TMEM245: variants seen among roughly 807,000 people sequenced by gnomAD.
The protein encoded by TMEM245 is transmembrane protein 245.
Under a neutral mutation model 101.2 loss-of-function variants are expected in TMEM245, and 69 were observed. That is an observed-to-expected ratio of 0.68 (90% CI 0.56 to 0.83). The LOEUF (loss-of-function observed/expected upper bound fraction) is 0.83, where lower values mean the gene tolerates loss of function less well. Among genes scored for constraint, TMEM245 ranks in the 40% least tolerant of loss-of-function variants. The pLI is 0.00. For synonymous variants in TMEM245, 537 were observed against 449.8 expected (o/e 1.19, Z -2.45); for missense variants, 1,075 against 1,092.8 (o/e 0.98, Z 0.23).
chr9:109,027,764 C>T (rs953618732), intron 17 of TMEM245, among the ~76,000 whole-genome samples: 3 of 152,096 alleles, frequency 2.0e-5, no homozygotes, highest in African/African-American at 7.2e-5. Flanking sequence ...CTGCTCACTG[C>T]AACGTCCACC....
chr9:109,057,656 C>G (rs62575220), intron 11 of TMEM245, among the ~76,000 whole-genome samples: 9,187 of 152,066 alleles, frequency 0.06, 364 homozygotes, highest in South Asian at 0.13. Context: ...GAGGCTGAGG[C>G]AAGAGAATTG....
chr9:109,053,134 T>A (rs1828734683), intron 12 of TMEM245, among the ~76,000 whole-genome samples: 1 of 152,150 alleles, frequency 6.6e-6, no homozygotes, highest in South Asian at 2.1e-4. Context: ...ACAAAATGTA[T>A]CCCAACTCAG....
At chr9:109,034,946 C>T (rs1235553410) in intron 16 of TMEM245, among the ~76,000 whole-genome samples, 3 of 151,812 alleles carry the variant, frequency 2.0e-5, no homozygotes, top group Admixed American at 2.0e-4. Context: ...CACTTGAGGT[C>T]AGGAGTTCAA....
At chr9:109,036,474 C>G (rs1005569172) in intron 15 of TMEM245, 94 bp from the exon 16 acceptor site, 8 of 1,185,814 alleles carry the variant, frequency 6.7e-6, no homozygotes, top group African/African-American at 1.6e-5. Context: ...TCAACAACTT[C>G]CAACAAAACA....
chr9:109,021,087 G>C (rs567448616), intron 17 of TMEM245, among the ~76,000 whole-genome samples: 12 of 152,166 alleles, frequency 7.9e-5, no homozygotes, highest in Non-Finnish European at 1.3e-4. Flanking sequence ...TGTTATTGGC[G>C]GGTAATATCT....
rs1327446299 is a variant in TMEM245, at chr9:109,119,308, G to T, written c.579+27C>A. The T allele has an allele frequency of 9.9e-6, 15 of 1,516,230 alleles. No homozygotes were observed. The East Asian group carries it at 2.1e-4, about 21-fold the overall frequency. The allele number at this position is 1,516,230 out of a possible 1,614,324, so 93.9% of individuals were successfully genotyped here. ...CAGAGCGCCGGGACCACGGGCGGGG[G>T]ACGGGGGCGGACTGCCGCTCACTCA... On this transcript the variant is annotated intron_variant, in intron 1 of 17. Transcript: ENST00000374586.
chr9:109,022,246 C>G (rs545835579), intron 17 of TMEM245, among the ~76,000 whole-genome samples: 1 of 152,176 alleles, frequency 6.6e-6, no homozygotes, highest in African/African-American at 2.4e-5. Context: ...CTCTGAAGCA[C>G]GCCTCTACTA....
intron 5 of TMEM245, among the ~76,000 whole-genome samples, chr9:109,090,450 C>T (rs1017667123): frequency 2.0e-5 from 3 of 151,870 alleles, no homozygotes; most frequent in Non-Finnish European, 2.9e-5. Flanking sequence ...TGGCCGGGCG[C>T]GGTGGCTCAC....
In TMEM245 at chr9:109,087,302, C is replaced by G. The variant is rs763681530; in HGVS notation, c.1191G>C (p.Val397=). The stretch of plus-strand genomic sequence containing the variant: ...CATGGTAGCGTTTCTCTAGGAAATC[C>G]ACAACTCCAAAGTGAATGACAAGCT... ...LKKLVIHFGV[V]DFLEKRYHVW... Residue 397 remains valine (V), a synonymous_variant, in exon 6 of 18, where the codon GTG becomes GTC. Coordinates refer to ENST00000374586, the MANE Select transcript of TMEM245 (RefSeq NM_032012.4). 5.6e-6 allele frequency: 9 copies of G among 1,611,700 alleles called. No individual in the cohort carries two copies. The East Asian group carries it at 1.6e-4, about 28-fold the overall frequency.
intron 12 of TMEM245, among the ~76,000 whole-genome samples, chr9:109,053,090 C>T (rs995303976): frequency 1.3e-5 from 2 of 152,260 alleles, no homozygotes; most frequent in African/African-American, 4.8e-5. Context: ...TAGCAAGGCC[C>T]ATGAAACTCT....
intron 17 of TMEM245, among the ~76,000 whole-genome samples, chr9:109,027,739 G>A (rs1384726864): frequency 6.6e-6 from 1 of 151,976 alleles, no homozygotes; most frequent in Non-Finnish European, 1.5e-5. Context: ...GGTGCAATGT[G>A]CAATGGTGCA....
intron 3 of TMEM245, among the ~76,000 whole-genome samples, chr9:109,098,342 C>T (rs1264659526): frequency 6.6e-6 from 1 of 152,136 alleles, no homozygotes; most frequent in Non-Finnish European, 1.5e-5. Flanking sequence ...AGTTAATACA[C>T]AAATGACTCA....
At chr9:109,071,770 T>C (rs1007588307) in intron 9 of TMEM245, among the ~76,000 whole-genome samples, 4 of 152,174 alleles carry the variant, frequency 2.6e-5, no homozygotes, top group Admixed American at 1.3e-4. Context: ...TTGAGGTTAA[T>C]AAAAGGCAGG....
chr9:109,078,179 C>A (rs969831604), intron 8 of TMEM245, among the ~76,000 whole-genome samples: 9 of 152,198 alleles, frequency 5.9e-5, no homozygotes, highest in African/African-American at 2.2e-4. Flanking sequence ...CATACCATTA[C>A]AGTTCTACTT....
At chr9:109,110,170 T>C (rs1830530690) in intron 1 of TMEM245, among the ~76,000 whole-genome samples, 1 of 152,114 alleles carries the variant, frequency 6.6e-6, no homozygotes, top group Non-Finnish European at 1.5e-5. Context: ...CAATTAACCC[T>C]GGGAATTCAA....
Position 109,024,276 on chromosome 9 carries a change from C to T in TMEM245, c.2595-3771G>A, listed in dbSNP as rs560868039. Among the ~76,000 whole-genome samples, 8 of 152,330 alleles carry T rather than the reference C, an allele frequency of 5.3e-5. No individual in the cohort carries two copies. The East Asian group carries it at 1.2e-3, about 22-fold the overall frequency. On this transcript the variant is annotated intron_variant, in intron 17 of 17. Transcript: ENST00000374586. ...GCACATGCAACCACTATTATACATA[C>T]CCCCTCCCTTCCAACAAATTTGGAA...
At chr9:109,031,116 T>C (rs1481452702) in intron 17 of TMEM245, among the ~76,000 whole-genome samples, 2 of 152,332 alleles carry the variant, frequency 1.3e-5, no homozygotes, top group South Asian at 2.1e-4. Flanking sequence ...TTCTTTTTTG[T>C]TGTTAAAATG....
intron 12 of TMEM245, among the ~76,000 whole-genome samples, chr9:109,051,714 C>A (rs1194809819): frequency 6.6e-6 from 1 of 152,172 alleles, no homozygotes; most frequent in African/African-American, 2.4e-5. Flanking sequence ...CAGGCCATGA[C>A]TTTACCTCCT....
intron 2 of TMEM245, 81 bp from the exon 3 acceptor site, chr9:109,106,690 A>G: frequency 9.6e-7 from 1 of 1,045,804 alleles, no homozygotes; most frequent in Non-Finnish European, 1.4e-6. Context: ...TTGTAGTTTG[A>G]CAGAACAATC....
Sources: allele counts gnomAD v4.1 joint callset (sites outside exome capture counted in the v4.1 genomes callset), GRCh38; gene constraint gnomAD v4.1.1; transcripts MANE v1.5; gene names NCBI Gene and HGNC (gene_info 2026-07-23, HGNC 2026-07-21).